The following RBPJ variants were observed in gnomAD, a reference collection of about 807,000 sequenced individuals.
The protein encoded by RBPJ is recombining binding protein suppressor of hairless.
RBPJ carries 9 observed loss-of-function variants against 67.8 expected under a neutral mutation model. The ratio of observed to expected loss-of-function variants is 0.13; its 90% CI spans 0.08 to 0.23. RBPJ has a LOEUF of 0.23. Ranked by LOEUF, RBPJ falls within the 10% of genes least tolerant of loss-of-function variation. The probability of loss-of-function intolerance (pLI) is 1.00; values close to 1 mark genes in which losing one functional copy is unlikely to be tolerated. For missense variants in RBPJ, 305 were observed against 595.6 expected (o/e 0.51, Z 5.08); for synonymous variants, 198 against 203.3 (o/e 0.97, Z 0.22).
At chr4:26,249,592 C>T (rs2109233636) in intron 1 of RBPJ, among the ~76,000 whole-genome samples, 1 of 151,872 alleles carries the variant, frequency 6.6e-6, no homozygotes, top group South Asian at 2.1e-4. Context: ...ACCTGGGAGG[C>T]AGAGATTGCA....
chr4:26,351,962 T>G (rs1010462233), intron 1 of RBPJ, among the ~76,000 whole-genome samples: 6 of 152,148 alleles, frequency 3.9e-5, no homozygotes, highest in African/African-American at 1.4e-4. Flanking sequence ...GGGGGAGGTG[T>G]GTGGTTATGG....
intron 1 of RBPJ, among the ~76,000 whole-genome samples, chr4:26,371,067 G>A (rs779774902): frequency 6.8e-6 from 1 of 147,986 alleles, no homozygotes; most frequent in Non-Finnish European, 1.5e-5. Context: ...GCGACAGAGC[G>A]AGACTCCATC....
chr4:26,316,490 T>C (rs111216329), upstream of RBPJ, among the ~76,000 whole-genome samples: 5,685 of 73,558 alleles, frequency 0.077, 165 homozygotes, highest in East Asian at 0.15. Context: ...TACATATTCA[T>C]ATATATATTC....
rs576818160 is a variant in RBPJ, at chr4:26,391,143, C to CT, written c.59+4758dup. Among the ~76,000 whole-genome samples, 50 of 152,220 alleles carry CT rather than the reference C, an allele frequency of 3.3e-4. No individual in the cohort carries two copies. In the East Asian group the frequency reaches 8.5e-3, roughly 26 times the overall value. On this transcript the variant is annotated intron_variant, in intron 2 of 10. Coordinates refer to ENST00000355476, the MANE Select transcript of RBPJ (RefSeq NM_015874.6). ...CAATCACAGTCAAAATCTCAGCAGGCTTTTTTGTAACAGTTGACAAGCTGT... is the reference window on the plus strand; with the variant it reads ...CAATCACAGTCAAAATCTCAGCAGGCTTTTTTTGTAACAGTTGACAAGCTGT...
chr4:26,306,356 C>T (rs921702681), intron 1 of RBPJ, among the ~76,000 whole-genome samples: 1 of 151,672 alleles, frequency 6.6e-6, no homozygotes, highest in African/African-American at 2.4e-5. Context: ...GTTTGTCGAG[C>T]GTTTGCCAGT....
chr4:26,186,760 A>T (rs1484763987), intron 1 of RBPJ, among the ~76,000 whole-genome samples: 2 of 152,188 alleles, frequency 1.3e-5, no homozygotes, highest in Non-Finnish European at 2.9e-5. Flanking sequence ...AATTTACCTA[A>T]ACTTTAATTT....
At chr4:26,403,676 G>GC (rs1733089246) in intron 2 of RBPJ, among the ~76,000 whole-genome samples, 1 of 151,996 alleles carries the variant, frequency 6.6e-6, no homozygotes. Context: ...AAGGAAGACA[G>GC]CCCCCAGCTT....
upstream of RBPJ, among the ~76,000 whole-genome samples, chr4:26,318,125 ACACG>A (rs1179309472): frequency 1.3e-5 from 2 of 151,488 alleles, no homozygotes; most frequent in East Asian, 3.9e-4. Flanking sequence ...AAACACACAC[ACACG>A]CACACACACA....
At chr4:26,221,301 A>G (rs903559683) in intron 1 of RBPJ, among the ~76,000 whole-genome samples, 2 of 152,302 alleles carry the variant, frequency 1.3e-5, no homozygotes, top group Middle Eastern at 3.4e-3. Context: ...CGTGTTAGCC[A>G]GGATGGTCTC....
At chr4:26,358,019 T>TTG (rs1727591159) in intron 1 of RBPJ, among the ~76,000 whole-genome samples, 1 of 77,850 alleles carries the variant, frequency 1.3e-5, no homozygotes, top group Non-Finnish European at 2.7e-5. Context: ...GAGGGGGTAT[T>TTG]CGTGTGTGTG....
intron 1 of RBPJ, among the ~76,000 whole-genome samples, chr4:26,184,432 T>C (rs969887223): frequency 2.6e-5 from 4 of 151,530 alleles, no homozygotes; most frequent in Non-Finnish European, 5.9e-5. Context: ...GGATGGAGAG[T>C]TCCTGTCTTG....
upstream of RBPJ, among the ~76,000 whole-genome samples, chr4:26,163,279 A>G (rs1441730595): frequency 6.6e-6 from 1 of 151,370 alleles, no homozygotes; most frequent in East Asian, 2.0e-4. Flanking sequence ...CAGGCCTCTG[A>G]TTTCAGGATA....
intron 1 of RBPJ, among the ~76,000 whole-genome samples, chr4:26,210,744 C>CT (rs56940118): frequency 0.017 from 793 of 47,512 alleles, 18 homozygotes; most frequent in Middle Eastern, 0.038. Context: ...TACTTCTTTC[C>CT]TTCTTTCCTT....
chr4:26,304,340 G>A (rs909939731), intron 1 of RBPJ, among the ~76,000 whole-genome samples: 1 of 152,162 alleles, frequency 6.6e-6, no homozygotes. Context: ...CGTGTTTTCG[G>A]TTCTCTTAAG....
intron 1 of RBPJ, among the ~76,000 whole-genome samples, chr4:26,167,822 T>C (rs1716379603): frequency 6.6e-6 from 1 of 151,432 alleles, no homozygotes; most frequent in Admixed American, 6.6e-5. Context: ...CTTCCAGTTT[T>C]TGCCCATTCA....
chr4:26,270,533 A>G (rs1720886096), intron 1 of RBPJ, among the ~76,000 whole-genome samples: 1 of 152,128 alleles, frequency 6.6e-6, no homozygotes, highest in South Asian at 2.1e-4. Context: ...TACACTGGTT[A>G]CAATGCCAAC....
upstream of RBPJ, among the ~76,000 whole-genome samples, chr4:26,318,686 C>A (rs898916816): frequency 3.3e-5 from 5 of 152,014 alleles, no homozygotes; most frequent in Non-Finnish European, 7.4e-5. Context: ...ACAGGGCCAG[C>A]GGGTAGATTA....
intron 1 of RBPJ, among the ~76,000 whole-genome samples, chr4:26,277,633 G>A (rs1370540171): frequency 3.3e-5 from 5 of 152,234 alleles, no homozygotes; most frequent in Non-Finnish European, 7.3e-5. Context: ...TCGAAGGAGT[G>A]GCAGGGGCCT....
intron 2 of RBPJ, among the ~76,000 whole-genome samples, chr4:26,392,176 G>A (rs1370582865): frequency 6.6e-6 from 1 of 152,156 alleles, no homozygotes; most frequent in Admixed American, 6.5e-5. Context: ...GAAATTTAAA[G>A]GACTCATCAT....
Sources: allele counts gnomAD v4.1 joint callset (sites outside exome capture counted in the v4.1 genomes callset), GRCh38; gene constraint gnomAD v4.1.1; transcripts MANE v1.5; gene names NCBI Gene and HGNC (gene_info 2026-07-23, HGNC 2026-07-21).